Variants in PHKB observed in about 807,000 individuals in gnomAD.
The protein encoded by PHKB is phosphorylase b kinase regulatory subunit beta.
In PHKB, 122 loss-of-function variants were observed where a neutral mutation model predicts 152.1. The observed-to-expected ratio is 0.80, with a 90% CI of 0.69 to 0.93. The LOEUF is 0.93. PHKB is among the 40% of genes least tolerant of loss of function. PHKB has a pLI of 0.00. For synonymous variants in PHKB, 436 were observed against 464.9 expected (o/e 0.94, Z 0.80); for missense variants, 1,304 against 1,328.4 (o/e 0.98, Z 0.29).
intron 7 of PHKB, among the ~76,000 whole-genome samples, chr16:47,560,987 C>T (rs922577413): frequency 4.6e-5 from 7 of 152,098 alleles, no homozygotes; most frequent in Non-Finnish European, 7.4e-5. Context: ...GGTGCTCATT[C>T]GGTGTTCAAC....
chr16:47,627,009 G>T lies in PHKB; in HGVS notation c.1459-14026G>T, dbSNP rs545989432. On this transcript the variant is annotated intron_variant, in intron 14 of 30. Transcript: ENST00000323584. The stretch of plus-strand genomic sequence containing the variant: ...CTGGACTTGCTTCTTTTTCTCCCAT[G>T]ATTCTAAAACCTGGTTTCTTATGGT... Among the ~76,000 whole-genome samples, 12 of 152,270 alleles carry T rather than the reference G, an allele frequency of 7.9e-5. No individual in the cohort carries two copies. In the South Asian group the frequency reaches 2.3e-3, roughly 29 times the overall value.
rs765621097 is a variant in PHKB at position 47,594,131 on chromosome 16, T to A, written c.1127-6T>A. ...CTGCTATTGGATTTTATATTTTATA[T>A]TTTAGGAGTTTTTAGAGGCAATCCT... On this transcript the variant is annotated splice_region_variant and splice_polypyrimidine_tract_variant and intron_variant, in intron 11 of 30. Coordinates refer to ENST00000323584, the MANE Select transcript of PHKB (RefSeq NM_000293.3). 2.5e-5 allele frequency: 37 copies of A among 1,453,516 alleles called. No individual in the cohort carries two copies. The East Asian group carries it at 8.4e-4, about 33-fold the overall frequency. The allele number at this position is 1,453,516 out of a possible 1,614,324, so 90.0% of individuals were successfully genotyped here.
chr16:47,648,279 A>T (rs1973170338), intron 16 of PHKB, among the ~76,000 whole-genome samples: 1 of 152,222 alleles, frequency 6.6e-6, no homozygotes, highest in African/African-American at 2.4e-5. Flanking sequence ...TTGTACATTT[A>T]TAGCAGTATA....
chr16:47,661,908 T>C (rs1973451939), intron 23 of PHKB, 108 bp downstream of exon 23: 1 of 785,708 alleles, frequency 1.3e-6, no homozygotes, highest in Non-Finnish European at 2.3e-6. Flanking sequence ...ATTTCCCCTT[T>C]CATTAAACCT....
rs557174650 is a variant in PHKB at position 47,540,041 on chromosome 16, C to G, written c.595-7392C>G. 2.6e-5 allele frequency among the ~76,000 whole-genome samples: 4 copies of G among 152,246 alleles called. No homozygotes were observed. In the East Asian group the frequency reaches 7.7e-4, roughly 29 times the overall value. On this transcript the variant is annotated intron_variant, in intron 6 of 30. Transcript: ENST00000323584. ...TTACTTCTTGCAGAGAGCCTATAAA[C>G]GGACGTGCAAGTAGGAGAGATATCA...
chr16:47,619,624 A>G (rs1972582561), intron 14 of PHKB, among the ~76,000 whole-genome samples: 1 of 152,172 alleles, frequency 6.6e-6, no homozygotes. Context: ...GTTCCTGTTA[A>G]AGGGCCCATC....
In PHKB at chr16:47,590,653, A is replaced by ACTTTGGATCTGTCCAGCAAGCTTTCTTG. The variant is rs542805983; in HGVS notation, c.1068+1579_1068+1606dup. The ACTTTGGATCTGTCCAGCAAGCTTTCTTG allele has an allele frequency of 5.5e-3, 830 of 151,934 alleles. 12 individuals carry two copies. Among genetic ancestry groups the ACTTTGGATCTGTCCAGCAAGCTTTCTTG allele is most frequent in the African/African-American group, 0.019 (791 of 41,230 alleles). The allele number at this position is 151,934 out of a possible 1,614,324, so 9.4% of individuals were successfully genotyped here. On this transcript the variant is annotated intron_variant, in intron 10 of 30. Transcript: ENST00000323584. ...CTAACTACCACCTCGCACACTTCCA[A>ACTTTGGATCTGTCCAGCAAGCTTTCTTG]CTTTGGATCTGTCCAGCAAGCTTTC...
chr16:47,612,436 A>G (rs1286674455), intron 14 of PHKB, among the ~76,000 whole-genome samples: 1 of 152,328 alleles, frequency 6.6e-6, no homozygotes, highest in South Asian at 2.1e-4. Flanking sequence ...GCTGTGGGTT[A>G]TGTGTAAATT....
intron 6 of PHKB, among the ~76,000 whole-genome samples, chr16:47,540,137 G>A (rs1004463043): frequency 6.6e-6 from 1 of 152,068 alleles, no homozygotes; most frequent in Non-Finnish European, 1.5e-5. Context: ...CTTGGGGAAG[G>A]TCTATAAACG....
chr16:47,656,041 G>A (rs982939161), intron 20 of PHKB, among the ~76,000 whole-genome samples: 6 of 150,366 alleles, frequency 4.0e-5, no homozygotes, highest in African/African-American at 1.5e-4. Flanking sequence ...AATTGAGACT[G>A]AGTCTCACTC....
At chr16:47,609,084 C>A (rs1383906000) in intron 13 of PHKB, among the ~76,000 whole-genome samples, 2 of 152,070 alleles carry the variant, frequency 1.3e-5, no homozygotes, top group East Asian at 3.9e-4. Context: ...TTCTTCTGTT[C>A]CTACTTTGTT....
Position 47,696,802 on chromosome 16 carries a change from C to G in PHKB, c.3003+314C>G, listed in dbSNP as rs142885999. Reference sequence around the variant, plus strand: ...TTAGCATCAAGTGTATCAGCCACATCATAAAAGTACAGGAAGTGACCTTTT... The same window carrying G: ...TTAGCATCAAGTGTATCAGCCACATGATAAAAGTACAGGAAGTGACCTTTT... On this transcript the variant is annotated intron_variant, in intron 29 of 30. Coordinates refer to ENST00000323584, the MANE Select transcript of PHKB (RefSeq NM_000293.3). Among the ~76,000 whole-genome samples, 1,135 of 152,292 alleles carry G rather than the reference C, an allele frequency of 7.5e-3. 18 individuals are homozygous for G. Among genetic ancestry groups the G allele is most frequent in the African/African-American group, 0.026 (1,075 of 41,562 alleles).
intron 16 of PHKB, among the ~76,000 whole-genome samples, chr16:47,642,089 A>C (rs1973034183): frequency 6.6e-6 from 1 of 151,212 alleles, no homozygotes; most frequent in South Asian, 2.1e-4. Flanking sequence ...TGGTTTTTTC[A>C]TCCTTTTATC....
intron 26 of PHKB, among the ~76,000 whole-genome samples, chr16:47,677,509 C>T (rs561553199): frequency 2.2e-4 from 34 of 152,266 alleles, no homozygotes; most frequent in African/African-American, 7.9e-4. Context: ...GAGGGCTCTC[C>T]TCCTGGCTTG....
Position 47,587,717 on chromosome 16 carries a change from A to G in PHKB, c.824A>G (p.Asn275Ser), listed in dbSNP as rs1971958651. The change falls in exon 9 of 31, where the codon AAC becomes AGC. Residue 275 changes from asparagine to serine, a missense_variant. By Grantham distance (46) the Asn-to-Ser change is conservative. Transcript: ENST00000323584. The stretch of plus-strand genomic sequence containing the variant: ...GTGGATCTCGATGCTCACAATCGCA[A>G]CAGGCAAACTTTGTGCTCGCTGTTA... ...IFVDLDAHNR[N>S]RQTLCSLLPR... is the part of the protein sequence containing the mutation. The G allele has an allele frequency of 5.6e-6, 9 of 1,613,666 alleles. No homozygotes were observed. Among genetic ancestry groups the G allele is most frequent in the Non-Finnish European group, 7.6e-6 (9 of 1,179,740 alleles).
At chr16:47,606,897 G>A (rs1049695335) in intron 13 of PHKB, among the ~76,000 whole-genome samples, 1 of 151,952 alleles carries the variant, frequency 6.6e-6, no homozygotes, top group African/African-American at 2.4e-5. Context: ...TTCCATCCTC[G>A]TTATACCCTA....
chr16:47,668,536 A>G (rs577303839), intron 25 of PHKB, among the ~76,000 whole-genome samples: 5 of 152,174 alleles, frequency 3.3e-5, no homozygotes, highest in African/African-American at 1.2e-4. Context: ...AGAGAGAGAG[A>G]CCAGCTTATT....
intron 6 of PHKB, among the ~76,000 whole-genome samples, chr16:47,533,908 C>T (rs1021729259): frequency 3.3e-5 from 5 of 152,136 alleles, no homozygotes; most frequent in Admixed American, 6.5e-5. Context: ...GGGCGGGGCT[C>T]CTGCCTGCTC....
intron 14 of PHKB, among the ~76,000 whole-genome samples, chr16:47,629,383 C>G: frequency 6.6e-6 from 1 of 151,950 alleles, no homozygotes; most frequent in Non-Finnish European, 1.5e-5. Context: ...AGACACTTCT[C>G]AAAAGAAGAC....
Sources: allele counts gnomAD v4.1 joint callset (sites outside exome capture counted in the v4.1 genomes callset), GRCh38; gene constraint gnomAD v4.1.1; transcripts MANE v1.5; gene names NCBI Gene and HGNC (gene_info 2026-07-23, HGNC 2026-07-21).